FSTL4: variants seen among roughly 807,000 people sequenced by gnomAD.
FSTL4 encodes follistatin like 4, also known as follistatin-related protein 4.
A neutral mutation model predicts 78.2 loss-of-function variants in FSTL4; 28 were observed. The ratio of observed to expected loss-of-function variants is 0.36; its 90% CI spans 0.27 to 0.49. FSTL4 has a LOEUF of 0.49. Ranked by LOEUF, FSTL4 falls within the 20% of genes least tolerant of loss-of-function variation. The pLI is 0.98. For missense variants in FSTL4, 922 were observed against 1,084.9 expected (o/e 0.85, Z 2.11); for synonymous variants, 422 against 440.5 (o/e 0.96, Z 0.53).
chr5:133,396,881 A>G (rs1026270081), intron 4 of FSTL4, among the ~76,000 whole-genome samples: 6 of 152,248 alleles, frequency 3.9e-5, no homozygotes, highest in African/African-American at 1.4e-4. Flanking sequence ...AAAAATGGAA[A>G]TGATTTCCTG....
At chr5:133,277,607 A>G (rs1057414105) in intron 6 of FSTL4, among the ~76,000 whole-genome samples, 2 of 152,232 alleles carry the variant, frequency 1.3e-5, no homozygotes, top group Admixed American at 1.3e-4. Flanking sequence ...ATTCCCCATC[A>G]GCTTCCTTCT....
At chr5:133,507,205 C>T (rs1487026419) in intron 3 of FSTL4, among the ~76,000 whole-genome samples, 1 of 151,704 alleles carries the variant, frequency 6.6e-6, no homozygotes, top group South Asian at 2.1e-4. Flanking sequence ...GACTCTGTCT[C>T]AAAAAATAAA....
chr5:133,206,378 T>A (rs907770798), intron 14 of FSTL4, among the ~76,000 whole-genome samples: 1 of 152,084 alleles, frequency 6.6e-6, no homozygotes, highest in Non-Finnish European at 1.5e-5. Flanking sequence ...TTTTTTGAGA[T>A]AAAATCTCAT....
chr5:133,821,397 G>A, the FSTL4 span, among the ~76,000 whole-genome samples: 1 of 152,226 alleles, frequency 6.6e-6, no homozygotes, highest in South Asian at 2.1e-4. Context: ...AGCAAACAGG[G>A]GTAGGACGCA....
intron 4 of FSTL4, among the ~76,000 whole-genome samples, chr5:133,372,064 C>T (rs944989558): frequency 6.6e-6 from 1 of 152,196 alleles, no homozygotes; most frequent in Non-Finnish European, 1.5e-5. Flanking sequence ...CTGTCACCCA[C>T]CCACAGGCCG....
chr5:133,513,500 C>T (rs750308131), intron 3 of FSTL4, among the ~76,000 whole-genome samples: 12 of 152,250 alleles, frequency 7.9e-5, no homozygotes, highest in Non-Finnish European at 1.8e-4. Flanking sequence ...TTCAGCAGGG[C>T]AGAGCAGCAG....
rs771256015 is a variant in FSTL4, at chr5:133,401,006, A to C, written c.161-20T>G. 1 of 1,612,262 alleles carries C rather than the reference A, an allele frequency of 6.2e-7. No homozygotes were observed. The highest frequency in any genetic ancestry group is 1.7e-5 in the Admixed American group (1 of 60,024). ...AAAGCCCTGCCAGACACACAAACAC[A>C]GAGGGTCAGCTGTAAACACTCAGAG... On this transcript the variant is annotated intron_variant, in intron 3 of 15. Transcript: ENST00000265342.
chr5:133,306,682 C>T (rs376819461), intron 6 of FSTL4, among the ~76,000 whole-genome samples: 2 of 152,186 alleles, frequency 1.3e-5, no homozygotes, highest in African/African-American at 4.8e-5. Flanking sequence ...CCTCTGGGAT[C>T]GCTGGCCACA....
At chr5:133,485,620 C>T (rs11958930) in intron 3 of FSTL4, among the ~76,000 whole-genome samples, 2,111 of 152,300 alleles carry the variant, frequency 0.014, 39 homozygotes, top group African/African-American at 0.047. Flanking sequence ...ATAGCAGGAG[C>T]CATTGCAGCT....
intron 4 of FSTL4, among the ~76,000 whole-genome samples, chr5:133,375,313 A>ATATATATATATATATATATATAG (rs1354744825): frequency 3.2e-5 from 1 of 31,058 alleles, no homozygotes; most frequent in African/African-American, 6.9e-5. Flanking sequence ...TATATATATA[A>ATATATATATATATATATATATAG]AAGACTCTAA....
At chr5:133,467,772 C>A (rs1757746257) in intron 3 of FSTL4, among the ~76,000 whole-genome samples, 1 of 152,218 alleles carries the variant, frequency 6.6e-6, no homozygotes, top group Non-Finnish European at 1.5e-5. Context: ...ACCTCCTGAG[C>A]AGCCTGTGCT....
intron 2 of FSTL4, among the ~76,000 whole-genome samples, chr5:133,595,108 G>A (rs1760712760): frequency 6.6e-6 from 1 of 152,228 alleles, no homozygotes; most frequent in Non-Finnish European, 1.5e-5. Flanking sequence ...GGGTCTGGCT[G>A]CCTGCCAGTG....
chr5:133,486,041 C>T (rs921045879), intron 3 of FSTL4, among the ~76,000 whole-genome samples: 7 of 152,136 alleles, frequency 4.6e-5, no homozygotes, highest in African/African-American at 1.4e-4. Flanking sequence ...ATGGCACTCA[C>T]GGTGAGAATG....
chr5:133,710,170 G>GC, the FSTL4 span, among the ~76,000 whole-genome samples: 1 of 152,154 alleles, frequency 6.6e-6, no homozygotes, highest in Non-Finnish European at 1.5e-5. Flanking sequence ...TCAGCCATCA[G>GC]CCCCCCACAA....
At chr5:133,265,761 G>A (rs544169418) in intron 6 of FSTL4, among the ~76,000 whole-genome samples, 15 of 152,280 alleles carry the variant, frequency 9.9e-5, no homozygotes, top group African/African-American at 3.1e-4. Flanking sequence ...ACCCCTGCAC[G>A]GCTGGTCATG....
At chr5:133,280,418 T>C (rs1752983916) in intron 6 of FSTL4, among the ~76,000 whole-genome samples, 1 of 152,034 alleles carries the variant, frequency 6.6e-6, no homozygotes, top group Non-Finnish European at 1.5e-5. Context: ...GGCATAAATA[T>C]TTGTGAGTTG....
intron 3 of FSTL4, among the ~76,000 whole-genome samples, chr5:133,507,033 C>T (rs1047872020): frequency 4.6e-5 from 7 of 152,200 alleles, no homozygotes; most frequent in Middle Eastern, 3.4e-3. Context: ...CATGGCAAAA[C>T]CCCATCTCTA....
the FSTL4 span, among the ~76,000 whole-genome samples, chr5:133,771,356 G>T: frequency 6.6e-6 from 1 of 151,942 alleles, no homozygotes; most frequent in Non-Finnish European, 1.5e-5. Flanking sequence ...CATGAGCATG[G>T]GATGCTTTAT....
the FSTL4 span, among the ~76,000 whole-genome samples, chr5:133,779,027 G>C: frequency 6.6e-6 from 1 of 152,220 alleles, no homozygotes; most frequent in African/African-American, 2.4e-5. Flanking sequence ...AGGACCCATG[G>C]AGTAGGACCT....
Sources: gnomAD v4.1 joint callset for allele counts (sites outside exome capture counted in the v4.1 genomes callset) on GRCh38, gnomAD v4.1.1 for gene constraint, MANE v1.5 for transcripts, NCBI Gene and HGNC (gene_info 2026-07-23, HGNC 2026-07-21) for gene names.